NCALD: variants seen among roughly 807,000 people sequenced by gnomAD.
NCALD encodes the protein neurocalcin-delta.
A neutral mutation model predicts 18.6 loss-of-function variants in NCALD; 10 were observed. That is an observed-to-expected ratio of 0.54 (90% CI 0.33 to 0.91). The LOEUF (loss-of-function observed/expected upper bound fraction) is 0.91, where lower values mean the gene tolerates loss of function less well. Ranked by LOEUF, NCALD falls within the 40% of genes least tolerant of loss-of-function variation. The pLI, the probability that NCALD is intolerant of heterozygous loss-of-function variation, is 0.03. For missense variants in NCALD, 184 were observed against 247.6 expected (o/e 0.74, Z 1.72); for synonymous variants, 88 against 87.4 (o/e 1.01, Z -0.04).
intron 1 of NCALD, among the ~76,000 whole-genome samples, chr8:102,030,673 C>T (rs1315604301): frequency 6.6e-6 from 1 of 152,086 alleles, no homozygotes; most frequent in Non-Finnish European, 1.5e-5. Flanking sequence ...GTCAGGAATT[C>T]AAGACAAGCC....
intron 1 of NCALD, among the ~76,000 whole-genome samples, chr8:101,780,907 G>A (rs548335368): frequency 6.6e-6 from 1 of 152,148 alleles, no homozygotes; most frequent in Non-Finnish European, 1.5e-5. Flanking sequence ...TCCTGATGGG[G>A]ATGCTGATGG....
chr8:101,857,479 CA>C (rs1245066886), intron 4 of NCALD, among the ~76,000 whole-genome samples: 1 of 152,156 alleles, frequency 6.6e-6, no homozygotes, highest in Non-Finnish European at 1.5e-5. Flanking sequence ...GCATAAAGCC[CA>C]AAGAAATAAT....
At chr8:101,707,062 G>A (rs1204823246) in intron 2 of NCALD, among the ~76,000 whole-genome samples, 1 of 152,176 alleles carries the variant, frequency 6.6e-6, no homozygotes, top group East Asian at 1.9e-4. Flanking sequence ...GAATTACTCA[G>A]GGTTTGGAGC....
intron 4 of NCALD, among the ~76,000 whole-genome samples, chr8:101,804,287 A>G (rs1247998132): frequency 8.7e-6 from 1 of 115,510 alleles, no homozygotes; most frequent in African/African-American, 4.3e-5. Context: ...TATACTATTT[A>G]TAACTATTAT....
intron 4 of NCALD, among the ~76,000 whole-genome samples, chr8:101,826,147 G>T (rs994570154): frequency 7.3e-5 from 11 of 151,156 alleles, no homozygotes; most frequent in Non-Finnish European, 1.2e-4. Context: ...AGTAGCTGGA[G>T]CCATACCTCC....
intron 1 of NCALD, among the ~76,000 whole-genome samples, chr8:101,781,780 G>A (rs1480743251): frequency 6.6e-6 from 1 of 151,890 alleles, no homozygotes; most frequent in Non-Finnish European, 1.5e-5. Flanking sequence ...GCTACCCAGG[G>A]ATTTGTTTTC....
chr8:101,858,714 C>T (rs1436408260), intron 4 of NCALD, among the ~76,000 whole-genome samples: 1 of 152,082 alleles, frequency 6.6e-6, no homozygotes, highest in Non-Finnish European at 1.5e-5. Context: ...TTTATGGGTT[C>T]CTCAACAAAA....
intron 3 of NCALD, among the ~76,000 whole-genome samples, chr8:101,893,677 A>T (rs1817015694): frequency 7.8e-6 from 1 of 128,548 alleles, no homozygotes. Flanking sequence ...AGATCTACCA[A>T]GCAAATGGAA....
In NCALD at chr8:101,777,641, G is replaced by A. The variant is rs183467579; in HGVS notation, c.-20+13221C>T. ...AAAGTAAGGCATGTACCATGGCCTCGTGCCAATCATACATCAGCACACTGG... is the reference window on the plus strand; with the variant it reads ...AAAGTAAGGCATGTACCATGGCCTCATGCCAATCATACATCAGCACACTGG... On this transcript the variant is annotated intron_variant, in intron 1 of 3. Coordinates refer to ENST00000220931, the MANE Select transcript of NCALD (RefSeq NM_032041.3). Among the ~76,000 whole-genome samples, 36 of 152,292 alleles carry A rather than the reference G, an allele frequency of 2.4e-4. No homozygotes were observed. The East Asian group carries it at 5.2e-3, about 22-fold the overall frequency.
intron 4 of NCALD, among the ~76,000 whole-genome samples, chr8:101,863,968 G>A (rs1264607344): frequency 6.6e-6 from 1 of 152,104 alleles, no homozygotes; most frequent in East Asian, 1.9e-4. Context: ...AAGGGGATGG[G>A]GCCTGGGCAT....
intron 1 of NCALD, among the ~76,000 whole-genome samples, chr8:102,053,072 C>T (rs1050941591): frequency 1.3e-5 from 2 of 152,196 alleles, no homozygotes; most frequent in Non-Finnish European, 2.9e-5. Flanking sequence ...CCAGATCCTT[C>T]TACTGGAGTG....
At chr8:101,935,795 TTTTTTTTTTTA>T (rs1043797280) in intron 2 of NCALD, among the ~76,000 whole-genome samples, 1 of 147,748 alleles carries the variant, frequency 6.8e-6, no homozygotes, top group Non-Finnish European at 1.5e-5. Context: ...TTTTTTTTTT[TTTTTTTTTTTA>T]AAGATGGAAG....
intron 1 of NCALD, among the ~76,000 whole-genome samples, chr8:102,081,359 A>G (rs1267647840): frequency 6.6e-6 from 1 of 152,098 alleles, no homozygotes; most frequent in Non-Finnish European, 1.5e-5. Context: ...AACCTCTTTA[A>G]TGAGTCATTT....
chr8:101,795,650 T>C (rs1812611554), upstream of NCALD, among the ~76,000 whole-genome samples: 1 of 152,202 alleles, frequency 6.6e-6, no homozygotes, highest in African/African-American at 2.4e-5. Flanking sequence ...TTTCAACATA[T>C]GAATTTGGGG....
chr8:101,930,853 C>T (rs1218944301), intron 2 of NCALD, among the ~76,000 whole-genome samples: 1 of 152,178 alleles, frequency 6.6e-6, no homozygotes, highest in African/African-American at 2.4e-5. Flanking sequence ...GCAGCCAGCA[C>T]ATCAAGTGCC....
chr8:101,895,542 G>A (rs1817128108), intron 3 of NCALD, among the ~76,000 whole-genome samples: 1 of 150,506 alleles, frequency 6.6e-6, no homozygotes, highest in Admixed American at 6.6e-5. Context: ...GGAAATAAAG[G>A]GTATTCAATT....
intron 2 of NCALD, chr8:101,693,561 G>A (rs1814848692): frequency 6.6e-6 from 1 of 152,040 alleles, no homozygotes; most frequent in Admixed American, 6.6e-5. Flanking sequence ...GGGTGGGGCT[G>A]AGAGTCTGTA....
chr8:102,084,619 A>G (rs1824674669), intron 1 of NCALD, among the ~76,000 whole-genome samples: 1 of 152,162 alleles, frequency 6.6e-6, no homozygotes, highest in African/African-American at 2.4e-5. Context: ...GCCACACGCA[A>G]TGTGAAATTA....
intron 1 of NCALD, among the ~76,000 whole-genome samples, chr8:102,084,034 G>A (rs896068902): frequency 2.0e-5 from 3 of 152,210 alleles, no homozygotes. Flanking sequence ...GAATAATTAT[G>A]TGCCAACATT....
Sources: gnomAD v4.1 joint callset for allele counts (sites outside exome capture counted in the v4.1 genomes callset) on GRCh38, gnomAD v4.1.1 for gene constraint, MANE v1.5 for transcripts, NCBI Gene and HGNC (gene_info 2026-07-23, HGNC 2026-07-21) for gene names.